Variants in RBKS observed in about 807,000 individuals in gnomAD.
The protein encoded by RBKS is ribokinase.
Under a neutral mutation model 33.9 loss-of-function variants are expected in RBKS, and 33 were observed. The ratio of observed to expected loss-of-function variants is 0.97; its 90% CI spans 0.74 to 1.30. The LOEUF is 1.30. Ranked by LOEUF, RBKS falls within the 50% of genes most tolerant of loss-of-function variation. The pLI is 0.00. For missense variants in RBKS, 361 were observed against 392.6 expected, an observed-to-expected ratio of 0.92 and a Z score of 0.68; for synonymous variants, 125 against 143.0, an observed-to-expected ratio of 0.87 and a Z score of 0.90.
At chr2:27,822,671 C>T (rs945897369) in intron 7 of RBKS, among the ~76,000 whole-genome samples, 1 of 152,226 alleles carries the variant, frequency 6.6e-6, no homozygotes, top group African/African-American at 2.4e-5. Flanking sequence ...AGTTATGGGA[C>T]ACCCATGCAG....
At chr2:27,791,208 A>T (rs528600912) in intron 7 of RBKS, among the ~76,000 whole-genome samples, 1 of 152,318 alleles carries the variant, frequency 6.6e-6, no homozygotes, top group South Asian at 2.1e-4. Context: ...GTGATGGTGA[A>T]TTTTACGTGT....
At chr2:27,880,942 G>A (rs1023888600) in intron 1 of RBKS, among the ~76,000 whole-genome samples, 7 of 152,046 alleles carry the variant, frequency 4.6e-5, no homozygotes, top group Non-Finnish European at 1.0e-4. Flanking sequence ...GGCTGCACAC[G>A]ATGGCTCACA....
Position 27,795,935 on chromosome 2 carries a change from T to C in RBKS, c.796-14147A>G, listed in dbSNP as rs1215676376. ...GCAGGGACTACTTTTCTGTCCCCTC[T>C]GTTTCTCCTGCTGCCTTGTCCCTTG... On this transcript the variant is annotated intron_variant, in intron 7 of 7. Coordinates refer to ENST00000302188, the MANE Select transcript of RBKS (RefSeq NM_022128.3). This position sits in a 1 kb window ranked among gnomAD's most constrained non-coding sequence, Gnocchi z 4.1. Among the ~76,000 whole-genome samples the C allele has an allele frequency of 6.6e-6, 1 of 152,224 alleles. No individual in the cohort carries two copies. The highest frequency in any genetic ancestry group is 1.5e-5 in the Non-Finnish European group (1 of 68,042).
At chr2:27,844,131 G>C (rs1663569119) in intron 4 of RBKS, among the ~76,000 whole-genome samples, 1 of 152,102 alleles carries the variant, frequency 6.6e-6, no homozygotes, top group Non-Finnish European at 1.5e-5. Flanking sequence ...GTGGTGGTAT[G>C]TGCCTGCAGT....
chr2:27,836,829 C>T (rs1467010915), intron 5 of RBKS, among the ~76,000 whole-genome samples: 1 of 152,078 alleles, frequency 6.6e-6, no homozygotes, highest in Non-Finnish European at 1.5e-5. Flanking sequence ...AAAAAATGGG[C>T]AAAGGACATG....
Position 27,842,679 on chromosome 2 carries a change from G to A in RBKS, c.514+388C>T, listed in dbSNP as rs577033847. 1.6e-3 allele frequency among the ~76,000 whole-genome samples: 244 copies of A among 149,722 alleles called. 1 individual carries two copies. The highest frequency in any genetic ancestry group is 2.7e-3 in the Non-Finnish European group (182 of 67,554). On this transcript the variant is annotated intron_variant, in intron 5 of 7. Transcript: ENST00000302188. ...GAATTCTTTTTTTTTTTTTTGAGACGGAGTCTCACTCTTGTCACCCAGGCT... is the reference window on the plus strand; with the variant it reads ...GAATTCTTTTTTTTTTTTTTGAGACAGAGTCTCACTCTTGTCACCCAGGCT...
At chr2:27,785,918 G>A (rs79800680) in intron 7 of RBKS, among the ~76,000 whole-genome samples, 6,777 of 152,232 alleles carry the variant, frequency 0.045, 391 homozygotes, top group African/African-American at 0.14. Flanking sequence ...AAGGCAAAAC[G>A]CTGGAAACCA....
At chr2:27,847,856 A>G (rs1453747567) in intron 3 of RBKS, among the ~76,000 whole-genome samples, 178 bp downstream of exon 3, 1 of 152,180 alleles carries the variant, frequency 6.6e-6, no homozygotes, top group Non-Finnish European at 1.5e-5. Flanking sequence ...CATCTGGAGG[A>G]ATGTACAGGG....
At chr2:27,833,971 C>T (rs1385883099) in intron 5 of RBKS, among the ~76,000 whole-genome samples, 1 of 152,208 alleles carries the variant, frequency 6.6e-6, no homozygotes, top group Non-Finnish European at 1.5e-5. Flanking sequence ...GCTTTGCAAA[C>T]TTGGTTGCCT....
intron 7 of RBKS, among the ~76,000 whole-genome samples, chr2:27,804,975 T>A (rs1011971195): frequency 1.9e-4 from 29 of 151,746 alleles, no homozygotes; most frequent in African/African-American, 6.8e-4. Context: ...TGCAGTGAGC[T>A]GTGCACTCTA....
chr2:27,796,608 A>G (rs957996756), intron 7 of RBKS, among the ~76,000 whole-genome samples: 1 of 152,152 alleles, frequency 6.6e-6, no homozygotes, highest in South Asian at 2.1e-4. Context: ...AAGCGCAAGG[A>G]CAGGAAAACT....
intron 4 of RBKS, among the ~76,000 whole-genome samples, chr2:27,844,401 A>T (rs1421430552): frequency 1.3e-5 from 2 of 152,094 alleles, no homozygotes; most frequent in African/African-American, 4.8e-5. Flanking sequence ...TTAAAAAAAA[A>T]TTAAGATAAA....
At chr2:27,803,731 T>C (rs1006497807) in intron 7 of RBKS, among the ~76,000 whole-genome samples, 1 of 151,446 alleles carries the variant, frequency 6.6e-6, no homozygotes. Context: ...ATAATCCATT[T>C]TTTAATTACT....
intron 6 of RBKS, among the ~76,000 whole-genome samples, chr2:27,831,205 G>C (rs928630908): frequency 7.3e-6 from 1 of 136,730 alleles, no homozygotes; most frequent in Admixed American, 6.9e-5. Flanking sequence ...AGTACATTTT[G>C]GAGGTATTTT....
chr2:27,835,584 ATTT>A (rs34787188), intron 5 of RBKS, among the ~76,000 whole-genome samples: 82 of 125,532 alleles, frequency 6.5e-4, no homozygotes, highest in East Asian at 1.2e-3. Context: ...TGCTTGGGCA[ATTT>A]TTTTTTTTTT....
chr2:27,792,558 A>G (rs1558533882), intron 7 of RBKS, among the ~76,000 whole-genome samples: 2 of 152,176 alleles, frequency 1.3e-5, no homozygotes, highest in Admixed American at 1.3e-4. Flanking sequence ...TTGGTGCTCA[A>G]TCTTTTTACC....
chr2:27,811,918 A>G (rs1677993120), intron 7 of RBKS, among the ~76,000 whole-genome samples: 1 of 152,140 alleles, frequency 6.6e-6, no homozygotes, highest in Admixed American at 6.5e-5. Flanking sequence ...AGGAAAAAAA[A>G]ATTCCACCAC....
At chr2:27,884,674 G>A (rs1236198438) in intron 1 of RBKS, among the ~76,000 whole-genome samples, 1 of 152,074 alleles carries the variant, frequency 6.6e-6, no homozygotes, top group African/African-American at 2.4e-5. Context: ...TTCCTGATTT[G>A]GCAGGATTAA....
At chr2:27,872,357 T>A (rs1399600350) in intron 1 of RBKS, among the ~76,000 whole-genome samples, 1 of 152,004 alleles carries the variant, frequency 6.6e-6, no homozygotes, top group Admixed American at 6.5e-5. Flanking sequence ...ATAAAAAAAA[T>A]TAATAAATAA....
Sources: allele counts gnomAD v4.1 joint callset (sites outside exome capture counted in the v4.1 genomes callset), GRCh38; gene constraint gnomAD v4.1.1; non-coding constraint Gnocchi (gnomAD v3.1); transcripts MANE v1.5; gene names NCBI Gene and HGNC (gene_info 2026-07-23, HGNC 2026-07-21).